ASCC1: variants seen among roughly 807,000 people sequenced by gnomAD.
ASCC1 encodes the protein ASC-1 complex subunit P50.
A neutral mutation model predicts 46.6 loss-of-function variants in ASCC1; 35 were observed. The observed-to-expected ratio is 0.75, with a 90% confidence interval of 0.57 to 0.99. The LOEUF is 0.99. Ranked by LOEUF, ASCC1 falls within the 50% of genes least tolerant of loss-of-function variation. ASCC1 has a pLI of 0.00. For missense variants in ASCC1, 376 were observed against 428.7 expected, an observed-to-expected ratio of 0.88 and a Z score of 1.09; for synonymous variants, 143 against 146.6, an observed-to-expected ratio of 0.98 and a Z score of 0.18.
chr10:72,112,998 G>GAT (rs1017403288), intron 9 of ASCC1, among the ~76,000 whole-genome samples: 2 of 149,948 alleles, frequency 1.3e-5, no homozygotes, highest in African/African-American at 4.9e-5. Context: ...ACATAAAAAA[G>GAT]ATAAGTATTT....
chr10:72,099,907 T>C (rs1368968788), intron 9 of ASCC1, among the ~76,000 whole-genome samples: 1 of 152,096 alleles, frequency 6.6e-6, no homozygotes, highest in Non-Finnish European at 1.5e-5. Flanking sequence ...ATAAAAAATA[T>C]CTTGTAAACT....
intron 5 of ASCC1, among the ~76,000 whole-genome samples, chr10:72,166,939 A>G (rs183063915): frequency 6.6e-6 from 1 of 152,336 alleles, no homozygotes; most frequent in East Asian, 1.9e-4. Flanking sequence ...AACAATAACA[A>G]GTGTAGATGA....
intron 5 of ASCC1, chr10:72,181,123 G>GC (rs1490851692): frequency 7.9e-5 from 12 of 151,994 alleles, no homozygotes; most frequent in Admixed American, 4.6e-4. Context: ...GCACCACCAC[G>GC]CCCAGCTAAT....
intron 9 of ASCC1, among the ~76,000 whole-genome samples, chr10:72,103,171 C>T (rs1468445022): frequency 4.6e-5 from 7 of 150,732 alleles, no homozygotes; most frequent in Admixed American, 1.3e-4. Flanking sequence ...CTTGCTCTGT[C>T]GCCCAGGCTG....
chr10:72,168,871 C>T lies in ASCC1; in HGVS notation c.490-7197G>A, dbSNP rs534719371. Among the ~76,000 whole-genome samples the T allele has an allele frequency of 3.3e-5, 5 of 152,318 alleles. No homozygotes were observed. The East Asian group carries it at 9.6e-4, about 29-fold the overall frequency. On this transcript the variant is annotated intron_variant, in intron 5 of 9. Coordinates refer to ENST00000672957, the MANE Select transcript of ASCC1 (RefSeq NM_001198800.3). ...TGCCAGCACCTTGATCTTAGTCTTC[C>T]AAGTTCTAGAGCTAAGAGAAAACAA... is the stretch of plus-strand genomic sequence containing the variant.
At chr10:72,195,950 T>C (rs1855360059) in intron 5 of ASCC1, among the ~76,000 whole-genome samples, 1 of 152,232 alleles carries the variant, frequency 6.6e-6, no homozygotes, top group East Asian at 1.9e-4. Flanking sequence ...TAATCTTTTC[T>C]GTATTTTCTA....
intron 7 of ASCC1, among the ~76,000 whole-genome samples, chr10:72,150,471 A>C (rs1848197667): frequency 6.6e-6 from 1 of 152,154 alleles, no homozygotes; most frequent in Non-Finnish European, 1.5e-5. Flanking sequence ...ACCACACAAA[A>C]ACAAATTTCC....
At chr10:72,139,274 C>T (rs1334760890) in intron 7 of ASCC1, among the ~76,000 whole-genome samples, 3 of 151,850 alleles carry the variant, frequency 2.0e-5, no homozygotes, top group South Asian at 4.2e-4. Flanking sequence ...CCACCACGCC[C>T]GGCTAATTTT....
chr10:72,118,636 G>A (rs1035529475), intron 9 of ASCC1, among the ~76,000 whole-genome samples: 7 of 151,636 alleles, frequency 4.6e-5, no homozygotes, highest in South Asian at 4.2e-4. Context: ...AAAATTAGCC[G>A]GTCATGGTGG....
intron 9 of ASCC1, among the ~76,000 whole-genome samples, chr10:72,113,909 G>A (rs1843196843): frequency 6.6e-6 from 1 of 152,204 alleles, no homozygotes; most frequent in African/African-American, 2.4e-5. Context: ...CTAGCAGGAT[G>A]TCTTGTCACA....
At chr10:72,207,736 A>G (rs1857417443) in intron 3 of ASCC1, among the ~76,000 whole-genome samples, 1 of 152,194 alleles carries the variant, frequency 6.6e-6, no homozygotes, top group Non-Finnish European at 1.5e-5. Context: ...GGCTCTGATT[A>G]TAAATTAGTT....
chr10:72,155,696 T>C (rs71479432), intron 6 of ASCC1, among the ~76,000 whole-genome samples: 3,537 of 152,332 alleles, frequency 0.023, 63 homozygotes, highest in Non-Finnish European at 0.038. Context: ...GTATTACCTT[T>C]GTGTTAAGTA....
At chr10:72,200,878 C>A (rs1856401125) in intron 4 of ASCC1, among the ~76,000 whole-genome samples, 1 of 152,056 alleles carries the variant, frequency 6.6e-6, no homozygotes, top group African/African-American at 2.4e-5. Flanking sequence ...TGTGTCACTG[C>A]ACTGGCCAAT....
rs768457869 is a variant in ASCC1, at chr10:72,102,458, G to A, written c.958-5008C>T. ...AACAGATCACTATAAAAGGCTTTAT[G>A]AGCGTCCCTCCTTTTATTGAGTTGT... On this transcript the variant is annotated intron_variant, in intron 9 of 9. Coordinates refer to ENST00000672957, the MANE Select transcript of ASCC1 (RefSeq NM_001198800.3). The A allele has an allele frequency of 7.0e-6, 10 of 1,425,106 alleles. No homozygotes were observed. In the East Asian group the frequency reaches 1.5e-4, roughly 21 times the overall value. 88.3% of individuals were successfully genotyped at this position (1,425,106 alleles called of 1,614,324 possible).
chr10:72,141,886 T>C (rs1323875255), intron 7 of ASCC1, among the ~76,000 whole-genome samples: 2 of 152,206 alleles, frequency 1.3e-5, no homozygotes, highest in African/African-American at 2.4e-5. Flanking sequence ...ACAAGTATTT[T>C]TAGTAGAATG....
chr10:72,099,748 A>G lies in ASCC1; in HGVS notation c.958-2298T>C, dbSNP rs1841515718. Among the ~76,000 whole-genome samples, 4 of 152,252 alleles carry G rather than the reference A, an allele frequency of 2.6e-5. 2 individuals carry two copies. The highest frequency in any genetic ancestry group is 9.6e-5 in the African/African-American group (4 of 41,554). Reference sequence around the variant, plus strand: ...GGGAGGAGAATCGCTTGAACCTGGGAGGCGGAGGTTGCGGTGAGCCGAGAT... The same window carrying G: ...GGGAGGAGAATCGCTTGAACCTGGGGGGCGGAGGTTGCGGTGAGCCGAGAT... On this transcript the variant is annotated intron_variant, in intron 9 of 9. Coordinates refer to ENST00000672957, the MANE Select transcript of ASCC1 (RefSeq NM_001198800.3).
intron 9 of ASCC1, chr10:72,102,544 G>T (rs1029662488): frequency 1.4e-5 from 10 of 705,152 alleles, no homozygotes; most frequent in Non-Finnish European, 2.2e-5. Flanking sequence ...GCAAATACAT[G>T]TATTTCCTCT....
intron 9 of ASCC1, among the ~76,000 whole-genome samples, chr10:72,105,818 C>G (rs915656857): frequency 1.3e-5 from 2 of 152,142 alleles, no homozygotes; most frequent in Non-Finnish European, 2.9e-5. Flanking sequence ...CGTTTCAAAG[C>G]TTCTACTCCT....
At chr10:72,124,702 C>G (rs1844631111) in intron 9 of ASCC1, among the ~76,000 whole-genome samples, 1 of 150,418 alleles carries the variant, frequency 6.6e-6, no homozygotes, top group Non-Finnish European at 1.5e-5. Flanking sequence ...TTATCACTGC[C>G]TATGGCTAAA....
Sources: allele counts gnomAD v4.1 joint callset (sites outside exome capture counted in the v4.1 genomes callset), GRCh38; gene constraint gnomAD v4.1.1; transcripts MANE v1.5; gene names NCBI Gene and HGNC (gene_info 2026-07-23, HGNC 2026-07-21).